The following AFF1 variants were observed in gnomAD, a reference collection of about 807,000 sequenced individuals.
AFF1 encodes ALF transcription elongation factor 1.
Under a neutral mutation model 121.7 loss-of-function variants are expected in AFF1, and 48 were observed. The ratio of observed to expected loss-of-function variants is 0.39; its 90% CI spans 0.31 to 0.50. The LOEUF (loss-of-function observed/expected upper bound fraction) is 0.50. AFF1 is among the 20% of genes least tolerant of loss of function. AFF1 has a pLI of 0.76. For synonymous variants in AFF1, 613 were observed against 563.0 expected (o/e 1.09, Z -1.26); for missense variants, 1,523 against 1,511.7 (o/e 1.01, Z -0.12).
intron 2 of AFF1, among the ~76,000 whole-genome samples, chr4:87,010,979 G>A (rs533738946): frequency 1.3e-5 from 2 of 151,838 alleles, no homozygotes; most frequent in East Asian, 3.9e-4. Flanking sequence ...CGCGGGAGGC[G>A]GAGGCAGGAG....
chr4:86,995,094 G>A (rs1725012634), intron 2 of AFF1, among the ~76,000 whole-genome samples: 1 of 152,100 alleles, frequency 6.6e-6, no homozygotes, highest in African/African-American at 2.4e-5. Context: ...TTAGCCAGGT[G>A]TGGTGTTGTG....
chr4:87,060,587 C>T (rs1720643781), intron 4 of AFF1, among the ~76,000 whole-genome samples: 1 of 151,902 alleles, frequency 6.6e-6, no homozygotes, highest in Non-Finnish European at 1.5e-5. Flanking sequence ...GCCTGTAATC[C>T]CAGCATTTTG....
intron 2 of AFF1, among the ~76,000 whole-genome samples, chr4:86,978,192 T>TTTTTTTTTTTTTTA (rs1723457657): frequency 8.7e-6 from 1 of 114,544 alleles, no homozygotes; most frequent in African/African-American, 3.1e-5. Flanking sequence ...TTTTTTTTTT[T>TTTTTTTTTTTTTTA]TTTTTTTTTG....
intron 4 of AFF1, among the ~76,000 whole-genome samples, chr4:87,081,014 C>G (rs1339303099): frequency 6.6e-6 from 1 of 152,022 alleles, no homozygotes; most frequent in Non-Finnish European, 1.5e-5. Flanking sequence ...CTAACTTACT[C>G]TTAAACAGTT....
chr4:86,985,371 T>G (rs1283652245), intron 2 of AFF1, among the ~76,000 whole-genome samples: 4 of 150,124 alleles, frequency 2.7e-5, no homozygotes, highest in African/African-American at 9.8e-5. Context: ...ATTAGCTGGG[T>G]GTGGTGGTGG....
At chr4:87,070,381 C>A (rs1463771179) in intron 4 of AFF1, among the ~76,000 whole-genome samples, 3 of 152,248 alleles carry the variant, frequency 2.0e-5, no homozygotes, top group Non-Finnish European at 4.4e-5. Context: ...TTGTGATCCA[C>A]CTGCCTCGGC....
At chr4:87,084,340 A>G (rs955950798) in intron 5 of AFF1, among the ~76,000 whole-genome samples, 176 bp downstream of exon 5, 2 of 152,012 alleles carry the variant, frequency 1.3e-5, no homozygotes, top group South Asian at 2.1e-4. Flanking sequence ...GGAGTTCACG[A>G]CCAGCCTGGA....
In AFF1 at chr4:87,102,368, T is replaced by C. The variant is rs1725514879; in HGVS notation, c.1284-3260T>C. Among the ~76,000 whole-genome samples the C allele has an allele frequency of 2.7e-5, 4 of 150,506 alleles. No homozygotes were observed. In the Admixed American group the frequency reaches 2.7e-4, roughly 10 times the overall value. ...AACATATTGAGTTCCAATAGGAAAG[T>C]AGTTTTATTTTAAATCAAAGTCTCT... On this transcript the variant is annotated intron_variant, in intron 8 of 20. Transcript: ENST00000395146.
chr4:86,982,180 A>AG (rs1331450669), intron 2 of AFF1, among the ~76,000 whole-genome samples: 1 of 152,236 alleles, frequency 6.6e-6, no homozygotes, highest in Non-Finnish European at 1.5e-5. Flanking sequence ...GATGTCCCAG[A>AG]GGAAGTGGTG....
At chr4:87,007,017 C>A in intron 2 of AFF1, 1 of 1,126,570 alleles carries the variant, frequency 8.9e-7, no homozygotes, top group Non-Finnish European at 1.1e-6. Context: ...TAACTGTGGC[C>A]CGCGTTGTGC....
At chr4:87,004,593 T>G (rs1439084783) in intron 2 of AFF1, among the ~76,000 whole-genome samples, 1 of 152,240 alleles carries the variant, frequency 6.6e-6, no homozygotes, top group African/African-American at 2.4e-5. Context: ...TTGTTTTGGA[T>G]TTCAGATTTT....
At chr4:87,041,535 C>A (rs962559757) in intron 2 of AFF1, among the ~76,000 whole-genome samples, 8 of 152,126 alleles carry the variant, frequency 5.3e-5, no homozygotes, top group African/African-American at 7.2e-5. Context: ...GGTTTGAGAA[C>A]CTCTTAGCTA....
intron 8 of AFF1, among the ~76,000 whole-genome samples, chr4:87,098,766 T>C (rs1277568586): frequency 1.3e-5 from 2 of 152,200 alleles, no homozygotes; most frequent in Non-Finnish European, 2.9e-5. Flanking sequence ...AAATATTTAT[T>C]ACTTATGTGG....
intron 10 of AFF1, among the ~76,000 whole-genome samples, chr4:87,107,510 G>A (rs546554495): frequency 9.2e-5 from 14 of 152,304 alleles, no homozygotes; most frequent in Middle Eastern, 3.4e-3. Flanking sequence ...CTTCCAGGAA[G>A]TGTGAGTGGT....
At chr4:87,091,403 C>T (rs1206311059) in intron 6 of AFF1, among the ~76,000 whole-genome samples, 1 of 151,778 alleles carries the variant, frequency 6.6e-6, no homozygotes, top group East Asian at 1.9e-4. Flanking sequence ...GACTCCGTCT[C>T]AAAAACAAAA....
intron 2 of AFF1, among the ~76,000 whole-genome samples, chr4:86,949,303 C>G (rs976109012): frequency 4.0e-5 from 6 of 149,996 alleles, no homozygotes; most frequent in African/African-American, 1.5e-4. Context: ...TCCCAAGTAT[C>G]TGGGATTCAC....
At position 87,058,369 on chromosome 4, in the gene AFF1, G is replaced by A. The variant is rs532856895; in HGVS notation, c.1059+10775G>A. Among the ~76,000 whole-genome samples, 9 of 152,248 alleles carry A rather than the reference G, an allele frequency of 5.9e-5. No homozygotes were observed. In the South Asian group the frequency reaches 1.7e-3, roughly 28 times the overall value. On this transcript the variant is annotated intron_variant, in intron 4 of 20. Transcript: ENST00000395146. ...GAGTCATGCAAATATAGGGTGGCAC[G>A]GGTGATTCAAATGACAGGATGAGTA...
chr4:87,035,229 C>T (rs1161267903), intron 2 of AFF1, among the ~76,000 whole-genome samples: 1 of 152,020 alleles, frequency 6.6e-6, no homozygotes, highest in Non-Finnish European at 1.5e-5. Flanking sequence ...GGTGCTCTTA[C>T]CTGGGAGGGC....
At chr4:87,038,604 T>C (rs1224823353) in intron 2 of AFF1, among the ~76,000 whole-genome samples, 2 of 152,188 alleles carry the variant, frequency 1.3e-5, no homozygotes, top group Non-Finnish European at 2.9e-5. Flanking sequence ...ATCCTGTCTT[T>C]TTGCCTCCCT....
Sources: gnomAD v4.1 joint callset for allele counts (sites outside exome capture counted in the v4.1 genomes callset) on GRCh38, gnomAD v4.1.1 for gene constraint, MANE v1.5 for transcripts, NCBI Gene and HGNC (gene_info 2026-07-23, HGNC 2026-07-21) for gene names.